TBC1D22A: variants seen among roughly 807,000 people sequenced by gnomAD.
TBC1D22A encodes TBC1 domain family member 22A.
In TBC1D22A, 38 loss-of-function variants were observed where a neutral mutation model predicts 60.2. The ratio of observed to expected loss-of-function variants is 0.63; its 90% CI spans 0.49 to 0.83. The LOEUF is 0.83. Ranked by LOEUF, TBC1D22A falls within the 40% of genes least tolerant of loss-of-function variation. TBC1D22A has a pLI of 0.00. For missense variants in TBC1D22A, 628 were observed against 701.0 expected (o/e 0.90, Z 1.18); for synonymous variants, 302 against 281.7 (o/e 1.07, Z -0.72).
At chr22:47,044,962 G>A (rs963270645) in intron 11 of TBC1D22A, among the ~76,000 whole-genome samples, 4 of 152,182 alleles carry the variant, frequency 2.6e-5, no homozygotes, top group South Asian at 4.1e-4. Context: ...TTGGGCAGGC[G>A]TGTGAAGGCC....
intron 9 of TBC1D22A, among the ~76,000 whole-genome samples, chr22:46,979,763 C>T (rs1368896602): frequency 2.6e-5 from 4 of 152,174 alleles, no homozygotes; most frequent in Non-Finnish European, 5.9e-5. Context: ...CCCACCACTG[C>T]CTGTGTACTG....
intron 11 of TBC1D22A, among the ~76,000 whole-genome samples, chr22:47,101,673 C>T (rs533487020): frequency 2.3e-4 from 35 of 152,282 alleles, no homozygotes; most frequent in African/African-American, 7.5e-4. Flanking sequence ...AACAGACCGG[C>T]GCCAGCAGGA....
chr22:46,918,165 G>A (rs1257134056), intron 8 of TBC1D22A, among the ~76,000 whole-genome samples: 1 of 152,218 alleles, frequency 6.6e-6, no homozygotes, highest in African/African-American at 2.4e-5. Flanking sequence ...CGTTGCTCTT[G>A]TGATCATCGT....
intron 4 of TBC1D22A, among the ~76,000 whole-genome samples, chr22:46,806,841 G>C (rs2085163160): frequency 6.6e-6 from 1 of 152,222 alleles, no homozygotes; most frequent in Non-Finnish European, 1.5e-5. Flanking sequence ...GTAGAATAGT[G>C]CTGATCTTCG....
intron 4 of TBC1D22A, among the ~76,000 whole-genome samples, chr22:46,847,954 T>TGTGTGC (rs1389221108): frequency 1.0e-3 from 54 of 53,892 alleles, no homozygotes; most frequent in Middle Eastern, 0.013. Flanking sequence ...TGTGTGTGTG[T>TGTGTGC]GCGCGCGCGC....
intron 4 of TBC1D22A, among the ~76,000 whole-genome samples, chr22:46,876,395 G>T (rs1201319309): frequency 6.6e-6 from 1 of 152,202 alleles, no homozygotes; most frequent in Non-Finnish European, 1.5e-5. Flanking sequence ...TCATTACTGG[G>T]TATATACCCA....
chr22:47,144,324 C>T (rs917724750), intron 12 of TBC1D22A, among the ~76,000 whole-genome samples: 14 of 152,190 alleles, frequency 9.2e-5, no homozygotes, highest in East Asian at 1.9e-4. Flanking sequence ...CAGAGGACGG[C>T]GTCCAACCGG....
At chr22:46,913,181 G>C (rs978736961) in intron 8 of TBC1D22A, among the ~76,000 whole-genome samples, 1 of 152,146 alleles carries the variant, frequency 6.6e-6, no homozygotes, top group Admixed American at 6.5e-5. Flanking sequence ...TAAAAGTGAG[G>C]ATCTGCTTTT....
chr22:46,900,850 A>T (rs1331973433), intron 7 of TBC1D22A, among the ~76,000 whole-genome samples: 4 of 152,072 alleles, frequency 2.6e-5, no homozygotes, highest in South Asian at 2.1e-4. Context: ...TTTTCTCTAA[A>T]CCTTCATGTA....
intron 12 of TBC1D22A, among the ~76,000 whole-genome samples, chr22:47,164,449 G>A (rs1160548997): frequency 6.6e-6 from 1 of 152,240 alleles, no homozygotes. Flanking sequence ...CTCCTAGGGA[G>A]GTTTTTCGGC....
At chr22:47,170,339 A>T (rs1406707201) in intron 12 of TBC1D22A, among the ~76,000 whole-genome samples, 2 of 152,162 alleles carry the variant, frequency 1.3e-5, no homozygotes, top group Non-Finnish European at 1.5e-5. Context: ...AGGTCATGAT[A>T]ATATGAAGCG....
chr22:47,123,968 T>C (rs1306774088), intron 12 of TBC1D22A, among the ~76,000 whole-genome samples: 1 of 152,150 alleles, frequency 6.6e-6, no homozygotes, highest in Non-Finnish European at 1.5e-5. Flanking sequence ...GGGGCCCACA[T>C]GCCTGCCTCC....
At chr22:47,087,256 T>C (rs1170780357) in intron 11 of TBC1D22A, among the ~76,000 whole-genome samples, 1 of 152,268 alleles carries the variant, frequency 6.6e-6, no homozygotes, top group East Asian at 1.9e-4. Context: ...ATAGTCTATA[T>C]GGGGAAGATG....
At chr22:46,922,438 A>G (rs1187432396) in intron 8 of TBC1D22A, among the ~76,000 whole-genome samples, 1 of 152,216 alleles carries the variant, frequency 6.6e-6, no homozygotes, top group Non-Finnish European at 1.5e-5. Context: ...GAATTTTAAA[A>G]TAGTTTTTTT....
At chr22:46,957,291 C>G (rs1224175736) in intron 8 of TBC1D22A, among the ~76,000 whole-genome samples, 2 of 152,212 alleles carry the variant, frequency 1.3e-5, no homozygotes, top group African/African-American at 2.4e-5. Flanking sequence ...AAGAATACTA[C>G]CTGAGACTAG....
At chr22:47,127,920 G>A (rs1023423024) in intron 12 of TBC1D22A, among the ~76,000 whole-genome samples, 65 of 143,308 alleles carry the variant, frequency 4.5e-4, no homozygotes, top group African/African-American at 1.6e-3. Flanking sequence ...GAGGGTTTCC[G>A]GCCTCTCCCA....
intron 11 of TBC1D22A, among the ~76,000 whole-genome samples, chr22:47,037,427 C>T (rs1282261273): frequency 6.6e-5 from 10 of 152,054 alleles, no homozygotes; most frequent in East Asian, 1.9e-4. Flanking sequence ...CTCAGGAGTT[C>T]GAGACCAATC....
At chr22:46,838,296 G>C (rs1204192492) in intron 4 of TBC1D22A, among the ~76,000 whole-genome samples, 3 of 152,082 alleles carry the variant, frequency 2.0e-5, no homozygotes, top group Non-Finnish European at 1.5e-5. Context: ...AGACTCAAAT[G>C]CAATCATAAA....
At chr22:47,119,899 G>A (rs368235362) in intron 12 of TBC1D22A, among the ~76,000 whole-genome samples, 4 of 152,184 alleles carry the variant, frequency 2.6e-5, no homozygotes, top group African/African-American at 9.7e-5. Flanking sequence ...AGGGCGCCTC[G>A]TTACTGCATC....
Sources: gnomAD v4.1 joint callset for allele counts (sites outside exome capture counted in the v4.1 genomes callset) on GRCh38, gnomAD v4.1.1 for gene constraint, MANE v1.5 for transcripts, NCBI Gene and HGNC (gene_info 2026-07-23, HGNC 2026-07-21) for gene names.